ZPBP: variants seen among roughly 807,000 people sequenced by gnomAD.
The protein encoded by ZPBP is zona pellucida binding protein.
ZPBP carries 26 observed loss-of-function variants against 44.8 expected under a neutral mutation model. The observed-to-expected ratio is 0.58, with a 90% confidence interval of 0.43 to 0.81. The LOEUF is 0.81. Ranked by LOEUF, ZPBP falls within the 30% of genes least tolerant of loss-of-function variation. ZPBP has a pLI of 0.00. For missense variants in ZPBP, 409 were observed against 434.0 expected (o/e 0.94, Z 0.51); for synonymous variants, 174 against 153.2 (o/e 1.14, Z -1.00).
chr7:49,896,754 G>C (rs995848123), intron 2 of ZPBP, among the ~76,000 whole-genome samples: 2 of 151,918 alleles, frequency 1.3e-5, no homozygotes, highest in Non-Finnish European at 2.9e-5. Context: ...AATATTATCA[G>C]CGACTCTATG....
intron 1 of ZPBP, among the ~76,000 whole-genome samples, chr7:49,906,345 T>C (rs1905269): frequency 2.0e-5 from 3 of 151,924 alleles, no homozygotes; most frequent in African/African-American, 4.8e-5. Context: ...AATTTTCTCT[T>C]TTTTTTTGAG....
chr7:50,040,112 C>CA (rs769666213), intron 4 of ZPBP, among the ~76,000 whole-genome samples: 55 of 152,004 alleles, frequency 3.6e-4, no homozygotes, highest in Non-Finnish European at 1.5e-4. Flanking sequence ...AGTAAAATAG[C>CA]AAAGTATATC....
intron 4 of ZPBP, among the ~76,000 whole-genome samples, chr7:50,050,063 C>A (rs1008708793): frequency 6.6e-6 from 1 of 151,800 alleles, no homozygotes; most frequent in Non-Finnish European, 1.5e-5. Context: ...ACTTAGTATA[C>A]ACTTAACAAA....
chr7:49,981,618 T>TG (rs1796957742), intron 7 of ZPBP, among the ~76,000 whole-genome samples: 1 of 12,704 alleles, frequency 7.9e-5, no homozygotes, highest in African/African-American at 5.1e-4. Context: ...ATAATTATAT[T>TG]ATATTATATT....
At chr7:50,011,827 G>A (rs1035076811) in intron 6 of ZPBP, among the ~76,000 whole-genome samples, 4 of 151,966 alleles carry the variant, frequency 2.6e-5, no homozygotes, top group Admixed American at 6.6e-5. Context: ...CAAGGCGGGC[G>A]GATCACAAGG....
chr7:49,900,220 A>T (rs1792640530), intron 2 of ZPBP, among the ~76,000 whole-genome samples: 1 of 151,782 alleles, frequency 6.6e-6, no homozygotes, highest in Non-Finnish European at 1.5e-5. Flanking sequence ...CATAAATTAG[A>T]AAAGAAGAAA....
the ZPBP span, among the ~76,000 whole-genome samples, chr7:49,843,452 G>A: frequency 6.6e-6 from 1 of 152,196 alleles, no homozygotes; most frequent in Non-Finnish European, 1.5e-5. Context: ...TTCAAGAAAT[G>A]AAAGGGTCTA....
chr7:49,926,892 C>G (rs1158210971), intron 1 of ZPBP, among the ~76,000 whole-genome samples: 1 of 152,178 alleles, frequency 6.6e-6, no homozygotes, highest in East Asian at 1.9e-4. Flanking sequence ...CCAGCCATAG[C>G]GGCCGCAGGA....
At chr7:49,860,220 C>T (rs1234372564) in intron 2 of ZPBP, among the ~76,000 whole-genome samples, 1 of 152,188 alleles carries the variant, frequency 6.6e-6, no homozygotes, top group African/African-American at 2.4e-5. Context: ...TCATTCCAAA[C>T]TGAAACCCTC....
At chr7:50,027,361 C>G (rs993305458) in intron 5 of ZPBP, among the ~76,000 whole-genome samples, 1 of 151,914 alleles carries the variant, frequency 6.6e-6, no homozygotes, top group Non-Finnish European at 1.5e-5. Context: ...GAACAACATA[C>G]TCCTAAACAA....
intron 1 of ZPBP, among the ~76,000 whole-genome samples, chr7:50,091,510 T>C (rs187615277): frequency 3.5e-4 from 54 of 152,290 alleles, no homozygotes; most frequent in African/African-American, 1.3e-3. Context: ...AGGACTTAAA[T>C]CTAGGACCTG....
intron 7 of ZPBP, among the ~76,000 whole-genome samples, chr7:49,965,283 A>G (rs1430437601): frequency 1.3e-5 from 2 of 152,094 alleles, no homozygotes; most frequent in African/African-American, 2.4e-5. Flanking sequence ...GTAAAAAAGA[A>G]AAACAAGGAT....
Position 49,880,265 on chromosome 7 carries a change from T to C in ZPBP, n.509+20853A>G, listed in dbSNP as rs2128726760. Reference sequence around the variant, plus strand: ...TAAAACATGTTGACACATTTCCATATATAGAACCACACTTGCATTTCTTAA... The same window carrying C: ...TAAAACATGTTGACACATTTCCATACATAGAACCACACTTGCATTTCTTAA... On this transcript the variant is annotated intron_variant and non_coding_transcript_variant, in intron 2 of 2. Transcript: ENST00000465922. 2.0e-5 allele frequency among the ~76,000 whole-genome samples: 3 copies of C among 152,326 alleles called. 1 individual carries two copies. In the South Asian group the frequency reaches 6.2e-4, roughly 32 times the overall value.
rs756719218 is a variant in ZPBP, at chr7:49,912,219, A to C, written n.412-11004T>G. 2.5e-6 allele frequency: 4 copies of C among 1,611,838 alleles called. No homozygotes were observed. In the Admixed American group the frequency reaches 6.7e-5, roughly 27 times the overall value. ...CAGAACACAAACTCTGACTTTTTCT[A>C]GAACATTTTACTGATGTGAACATTC... On this transcript the variant is annotated intron_variant and non_coding_transcript_variant, in intron 1 of 2. Transcript: ENST00000465922.
At chr7:49,898,918 AAGTT>A (rs1792549098) in intron 2 of ZPBP, among the ~76,000 whole-genome samples, 1 of 152,242 alleles carries the variant, frequency 6.6e-6, no homozygotes, top group African/African-American at 2.4e-5. Context: ...AAGCATAAAA[AAGTT>A]GAAGACAAAA....
chr7:49,881,822 CTT>C (rs915698224), intron 2 of ZPBP, among the ~76,000 whole-genome samples: 2 of 151,832 alleles, frequency 1.3e-5, no homozygotes, highest in African/African-American at 2.4e-5. Flanking sequence ...TAATTCATAA[CTT>C]ATGTTTGTAC....
intron 6 of ZPBP, among the ~76,000 whole-genome samples, chr7:49,984,559 C>T (rs1161476738): frequency 6.6e-6 from 1 of 152,060 alleles, no homozygotes; most frequent in Non-Finnish European, 1.5e-5. Context: ...TCATAAGGAG[C>T]GTGCCACCTA....
intron 4 of ZPBP, among the ~76,000 whole-genome samples, chr7:50,033,269 T>C (rs1233303174): frequency 2.0e-5 from 3 of 152,222 alleles, no homozygotes; most frequent in Non-Finnish European, 4.4e-5. Flanking sequence ...TAAGAATCTG[T>C]TTCCTTTCAT....
chr7:49,907,073 A>C (rs551502224), intron 1 of ZPBP, among the ~76,000 whole-genome samples: 1 of 152,334 alleles, frequency 6.6e-6, no homozygotes, highest in South Asian at 2.1e-4. Flanking sequence ...GGGTCTGTGT[A>C]TGGATGTGGA....
Sources: allele counts gnomAD v4.1 joint callset (sites outside exome capture counted in the v4.1 genomes callset), GRCh38; gene constraint gnomAD v4.1.1; transcripts MANE v1.5; gene names NCBI Gene and HGNC (gene_info 2026-07-23, HGNC 2026-07-21).